The following CMSS1 variants were observed in gnomAD, a reference collection of about 807,000 sequenced individuals.
CMSS1 encodes the protein cms1 ribosomal small subunit homolog, also known as protein CMSS1.
CMSS1 carries 33 observed loss-of-function variants against 43.5 expected under a neutral mutation model. That is an observed-to-expected ratio of 0.76 (90% CI 0.57 to 1.01). CMSS1 has a LOEUF of 1.01. Among genes scored for constraint, CMSS1 ranks in the 50% least tolerant of loss-of-function variants. CMSS1 has a pLI of 0.00. For missense variants in CMSS1, 313 were observed against 326.4 expected (o/e 0.96, Z 0.32); for synonymous variants, 115 against 117.2 (o/e 0.98, Z 0.12).
chr3:100,163,889 T>C (rs2067045866), intron 4 of CMSS1, among the ~76,000 whole-genome samples: 1 of 151,654 alleles, frequency 6.6e-6, no homozygotes, highest in Non-Finnish European at 1.5e-5. Context: ...AGAGGGTGGC[T>C]TGATTTCCGT....
intron 1 of CMSS1, among the ~76,000 whole-genome samples, chr3:99,872,020 A>G (rs1944813717): frequency 6.6e-6 from 1 of 152,150 alleles, no homozygotes; most frequent in Non-Finnish European, 1.5e-5. Context: ...TATCTAAATT[A>G]ACACCTACAG....
intron 1 of CMSS1, chr3:99,850,317 C>T (rs1943611473): frequency 1.2e-6 from 2 of 1,613,138 alleles, no homozygotes; most frequent in South Asian, 1.1e-5. Flanking sequence ...GCTTTGTGGT[C>T]ATCCTTTCTT....
chr3:100,098,375 G>T (rs1267522700), intron 1 of CMSS1, among the ~76,000 whole-genome samples: 1 of 152,168 alleles, frequency 6.6e-6, no homozygotes, highest in Non-Finnish European at 1.5e-5. Context: ...GCCAGTTACT[G>T]AACTTCTCTC....
chr3:100,058,423 A>G (rs564650056), intron 1 of CMSS1, among the ~76,000 whole-genome samples: 1 of 152,306 alleles, frequency 6.6e-6, no homozygotes, highest in South Asian at 2.1e-4. Flanking sequence ...GGCAGAGAAA[A>G]GTTGACACAT....
chr3:99,870,397 C>A (rs1218278333), intron 1 of CMSS1, among the ~76,000 whole-genome samples: 1 of 152,198 alleles, frequency 6.6e-6, no homozygotes, highest in Non-Finnish European at 1.5e-5. Context: ...CATTCTCCCA[C>A]ATTGTTTATC....
chr3:99,903,138 ACT>A (rs1285250761), intron 1 of CMSS1, among the ~76,000 whole-genome samples: 3 of 152,064 alleles, frequency 2.0e-5, no homozygotes, highest in African/African-American at 4.8e-5. Flanking sequence ...TATAATAGTA[ACT>A]CTCTCATAGG....
chr3:100,064,920 A>G (rs949453345), intron 1 of CMSS1, among the ~76,000 whole-genome samples: 8 of 152,160 alleles, frequency 5.3e-5, no homozygotes, highest in Non-Finnish European at 1.5e-5. Flanking sequence ...ACAAACATGT[A>G]TTGCTGTTGC....
chr3:100,115,048 T>A (rs1238647947), intron 1 of CMSS1: 9 of 1,252,668 alleles, frequency 7.2e-6, no homozygotes, highest in Non-Finnish European at 1.0e-5. Context: ...ATTCAAGTGT[T>A]AAGAAAACCT....
intron 1 of CMSS1, chr3:99,930,929 A>G (rs1208122747): frequency 6.2e-7 from 1 of 1,613,410 alleles, no homozygotes; most frequent in South Asian, 1.1e-5. Flanking sequence ...TCTATGCTTC[A>G]TGTTTTTAGG....
chr3:99,878,325 C>T (rs778070316), intron 1 of CMSS1, among the ~76,000 whole-genome samples: 9 of 152,208 alleles, frequency 5.9e-5, no homozygotes, highest in Non-Finnish European at 1.2e-4. Flanking sequence ...CTTCACAACA[C>T]ATTTTGATGT....
intron 1 of CMSS1, among the ~76,000 whole-genome samples, chr3:100,137,530 T>C (rs2066765942): frequency 1.3e-5 from 2 of 151,758 alleles, no homozygotes; most frequent in Non-Finnish European, 2.9e-5. Flanking sequence ...CAATAATTGA[T>C]AGATAAAAGA....
At chr3:99,967,769 C>G (rs537908947) in intron 1 of CMSS1, among the ~76,000 whole-genome samples, 5 of 152,156 alleles carry the variant, frequency 3.3e-5, no homozygotes, top group Non-Finnish European at 7.4e-5. Flanking sequence ...AGTGTTTTAT[C>G]TGTTTATTTC....
chr3:99,957,634 C>A (rs2107697284), intron 1 of CMSS1, among the ~76,000 whole-genome samples: 1 of 145,132 alleles, frequency 6.9e-6, no homozygotes, highest in East Asian at 2.1e-4. Flanking sequence ...AGCCGTCAGA[C>A]TGGAAATTAA....
chr3:99,818,427 A>G lies in CMSS1; in HGVS notation c.64+384A>G, dbSNP rs142979998. On this transcript the variant is annotated intron_variant, in intron 1 of 9. Coordinates refer to ENST00000421999, the MANE Select transcript of CMSS1 (RefSeq NM_032359.4). ...GCTGCTTCAGACTCCCTCCATTCAA[A>G]TCACGACTCCAGTATTCTGATACTG... Among the ~76,000 whole-genome samples the G allele has an allele frequency of 2.0e-3, 304 of 152,342 alleles. 1 individual carries two copies. Among genetic ancestry groups the G allele is most frequent in the African/African-American group, 6.9e-3 (285 of 41,584 alleles).
chr3:100,057,755 G>A (rs2065489800), intron 1 of CMSS1, among the ~76,000 whole-genome samples: 2 of 152,086 alleles, frequency 1.3e-5, no homozygotes, highest in African/African-American at 4.8e-5. Context: ...ATGTGAGCGT[G>A]GCTGGCTCAG....
chr3:100,135,319 T>TAAAAC (rs1345482878), intron 1 of CMSS1, among the ~76,000 whole-genome samples: 6 of 152,150 alleles, frequency 3.9e-5, no homozygotes, highest in African/African-American at 1.4e-4. Flanking sequence ...TTCAAACATT[T>TAAAAC]AAAACAAACT....
chr3:99,843,210 A>C (rs998903748), intron 1 of CMSS1, among the ~76,000 whole-genome samples: 1 of 152,178 alleles, frequency 6.6e-6, no homozygotes, highest in East Asian at 1.9e-4. Flanking sequence ...CTTCCCAAGA[A>C]ATGCTACAGA....
chr3:99,953,163 A>T (rs1223453372), intron 1 of CMSS1, among the ~76,000 whole-genome samples: 3 of 152,174 alleles, frequency 2.0e-5, no homozygotes, highest in African/African-American at 7.2e-5. Flanking sequence ...ATTAAATAAT[A>T]TTATCTTTTT....
At chr3:100,102,482 A>G (rs1249493936) in intron 1 of CMSS1, among the ~76,000 whole-genome samples, 1 of 152,218 alleles carries the variant, frequency 6.6e-6, no homozygotes, top group East Asian at 1.9e-4. Flanking sequence ...CTGCTTCTCC[A>G]CAGGTGTGAG....
Sources: gnomAD v4.1 joint callset for allele counts (sites outside exome capture counted in the v4.1 genomes callset) on GRCh38, gnomAD v4.1.1 for gene constraint, MANE v1.5 for transcripts, NCBI Gene and HGNC (gene_info 2026-07-23, HGNC 2026-07-21) for gene names.